The following MOB3A variants were observed in gnomAD, a reference collection of about 807,000 sequenced individuals.
The protein encoded by MOB3A is MOB kinase activator 3A.
In MOB3A, 17 loss-of-function variants were observed where a neutral mutation model predicts 17.8. That is an observed-to-expected ratio of 0.95 (90% CI 0.65 to 1.43). The LOEUF (loss-of-function observed/expected upper bound fraction) is 1.43, where lower values mean the gene tolerates loss of function less well. MOB3A is among the 40% of genes most tolerant of loss of function. The probability of loss-of-function intolerance (pLI) is 0.00; values close to 1 mark genes in which losing one functional copy is unlikely to be tolerated. For missense variants in MOB3A, 333 were observed against 310.8 expected (o/e 1.07, Z -0.54); for synonymous variants, 124 against 133.2 (o/e 0.93, Z 0.48).
Position 2,071,695 on chromosome 19 carries a change from A to G in MOB3A, c.*1700T>C, listed in dbSNP as rs2017339173. The G allele has an allele frequency of 6.6e-6, 1 of 152,276 alleles. No homozygotes were observed. The highest frequency in any genetic ancestry group is 6.6e-5 in the Admixed American group (1 of 15,264). 9.4% of individuals were successfully genotyped at this position (152,276 alleles called of 1,614,324 possible). A position where few individuals can be genotyped will look rare whatever the true frequency, so the allele number is the denominator to read the frequency against. On this transcript the variant is annotated 3_prime_UTR_variant, in exon 5 of 5. Coordinates refer to ENST00000357066, the MANE Select transcript of MOB3A (RefSeq NM_130807.3). ...CAGAACTCATGGATTTTGGTCTCGC[A>G]GCCCCAGGGGCCACACAGAAAAAGG...
Position 2,078,280 on chromosome 19 carries a change from C to T in MOB3A, c.281G>A (p.Gly94Asp), listed in dbSNP as rs200521330. The T allele has an allele frequency of 4.7e-5, 76 of 1,613,944 alleles. No individual in the cohort carries two copies. Among genetic ancestry groups the T allele is most frequent in the Non-Finnish European group, 5.9e-5 (70 of 1,179,974 alleles). ...CTGCCAGCGGTACTCATACTTGGGGCCCCCCGACATGACGGGGCAGGACTG... is the reference window on the plus strand; with the variant it reads ...CTGCCAGCGGTACTCATACTTGGGGTCCCCCGACATGACGGGGCAGGACTG... ...TEQSCPVMSG[G>D]PKYEYRWQDE... is the part of the protein sequence containing the mutation. Residue 94 changes from glycine (G) to aspartate (D), a missense_variant, in exon 3 of 5, where the codon GGC becomes GAC. By Grantham distance (94) the Gly-to-Asp change is moderately conservative. Coordinates refer to ENST00000357066, the MANE Select transcript of MOB3A (RefSeq NM_130807.3).
At chr19:2,085,841 G>A (rs1261338958) in intron 1 of MOB3A, among the ~76,000 whole-genome samples, 2 of 150,856 alleles carry the variant, frequency 1.3e-5, no homozygotes. Context: ...GTGGGCACCT[G>A]TAGTCCCAGC....
rs879435121 is a variant in MOB3A at position 2,074,557 on chromosome 19, C to CT, written c.625-1134dup. On this transcript the variant is annotated intron_variant, in intron 4 of 4. Coordinates refer to ENST00000357066, the MANE Select transcript of MOB3A (RefSeq NM_130807.3). ...GAAGTTATGTGAAGATGTTTTTAGT[C>CT]TTTTTTTTTTTTTGAGACGGAGTTT... 3.1e-3 allele frequency among the ~76,000 whole-genome samples: 452 copies of CT among 144,478 alleles called. 3 individuals are homozygous for CT. The highest frequency in any genetic ancestry group is 9.5e-3 in the East Asian group (47 of 4,970). 94.8% of individuals were successfully genotyped at this position (144,478 alleles called of 152,430 possible).
chr19:2,077,046 C>T (rs760573173), intron 3 of MOB3A, 33 bp from the exon 4 acceptor site: 1 of 1,583,474 alleles, frequency 6.3e-7, no homozygotes, highest in Non-Finnish European at 8.6e-7. Context: ...GGTCCACGGA[C>T]TCAGCCAAGT....
At chr19:2,080,030 T>G (rs1296390304) in intron 2 of MOB3A, among the ~76,000 whole-genome samples, 2 of 152,026 alleles carry the variant, frequency 1.3e-5, no homozygotes, top group East Asian at 3.9e-4. Context: ...ACACCGCGCG[T>G]GTGCCGGGCT....
intron 1 of MOB3A, among the ~76,000 whole-genome samples, chr19:2,090,444 T>C (rs1367973807): frequency 1.3e-5 from 2 of 152,214 alleles, no homozygotes; most frequent in African/African-American, 4.8e-5. Flanking sequence ...TGGGGACATC[T>C]GTGGTTGTCA....
chr19:2,082,249 C>T lies in MOB3A; in HGVS notation c.-120+2926G>A, dbSNP rs1304632449. ...GGCCCAGAAAACCAGGCCTCTAACC[C>T]CTGGCTCTGTGGACATCGGGGTTGG... On this transcript the variant is annotated intron_variant, in intron 2 of 4. Transcript: ENST00000357066. This position sits in a 1 kb window ranked among gnomAD's most constrained non-coding sequence, Gnocchi z 4.1. 1.3e-5 allele frequency among the ~76,000 whole-genome samples: 2 copies of T among 152,234 alleles called. No homozygotes were observed. The highest frequency in any genetic ancestry group is 2.9e-5 in the Non-Finnish European group (2 of 68,024).
rs34483500 is a variant in MOB3A, at chr19:2,078,291, G to A, written c.270C>T (p.Val90=). The A allele has an allele frequency of 8.2e-4, 1,330 of 1,614,172 alleles. 13 individuals are homozygous for A. In the African/African-American group the frequency reaches 0.015, roughly 19 times the overall value. ...SDGCTEQSCP[V]MSGGPKYEYR... ...ACTCATACTTGGGGCCCCCCGACATGACGGGGCAGGACTGCTCCGTGCAGC... is the reference window on the plus strand; with the variant it reads ...ACTCATACTTGGGGCCCCCCGACATAACGGGGCAGGACTGCTCCGTGCAGC... Residue 90 remains valine (V), a synonymous_variant, in exon 3 of 5, where the codon GTC becomes GTT. Coordinates refer to ENST00000357066, the MANE Select transcript of MOB3A (RefSeq NM_130807.3).
intron 1 of MOB3A, among the ~76,000 whole-genome samples, chr19:2,092,735 G>T (rs2017627381): frequency 8.3e-6 from 1 of 119,858 alleles, no homozygotes; most frequent in South Asian, 2.7e-4. Flanking sequence ...TCCAGCCTGG[G>T]CAAGAGAAAC....
intron 4 of MOB3A, among the ~76,000 whole-genome samples, chr19:2,074,410 G>A (rs576392388): frequency 1.3e-5 from 2 of 151,876 alleles, no homozygotes; most frequent in African/African-American, 4.8e-5. Flanking sequence ...AAAAGAAAAA[G>A]AAAGAAAAAA....
At position 2,078,639 on chromosome 19, in the gene MOB3A, G is replaced by A; in HGVS notation, c.-79C>T. The A allele has an allele frequency of 7.1e-7, 1 of 1,399,560 alleles. No homozygotes were observed. The highest frequency in any genetic ancestry group is 9.6e-7 in the Non-Finnish European group (1 of 1,037,928). The allele number at this position is 1,399,560 out of a possible 1,614,324, so 86.7% of individuals were successfully genotyped here. Reference sequence around the variant, plus strand: ...CTGGGGGTGCTGACCAACCCGAGAGGCCACGAAACACTCACCAAGCCCCAC... The same window carrying A: ...CTGGGGGTGCTGACCAACCCGAGAGACCACGAAACACTCACCAAGCCCCAC... On this transcript the variant is annotated 5_prime_UTR_variant, in exon 3 of 5. Transcript: ENST00000357066.
In MOB3A at chr19:2,078,226, G is replaced by A. The variant is rs762865411; in HGVS notation, c.335C>T (p.Ala112Val). The A allele has an allele frequency of 2.5e-5, 41 of 1,613,714 alleles. No individual in the cohort carries two copies. Among genetic ancestry groups the A allele is most frequent in the Non-Finnish European group, 3.2e-5 (38 of 1,179,834 alleles). Reference sequence around the variant, plus strand: ...GTCCATGTACCTGGGCGCGGAGAGTGCCGTGGGCTTCCGGAACTTATGCTC... The same window carrying A: ...GTCCATGTACCTGGGCGCGGAGAGTACCGTGGGCTTCCGGAACTTATGCTC... ...QDEHKFRKPT[A>V]LSAPRYMDLL... The change falls in exon 3 of 5, where the codon GCA (alanine) becomes GTA (valine). Residue 112 changes from alanine (A) to valine (V), a missense_variant. Physicochemically the swap from Ala to Val is moderately conservative, Grantham distance 64. Transcript: ENST00000357066.
intron 2 of MOB3A, among the ~76,000 whole-genome samples, chr19:2,081,611 C>T (rs1325286288): frequency 6.6e-6 from 1 of 151,384 alleles, no homozygotes; most frequent in South Asian, 2.1e-4. Context: ...ACAGGCCTGG[C>T]GCGGTGGCCC....
chr19:2,073,647 G>A (rs554526490), intron 4 of MOB3A, among the ~76,000 whole-genome samples: 2 of 152,198 alleles, frequency 1.3e-5, no homozygotes, highest in Admixed American at 1.3e-4. Context: ...TGGGCCAGAC[G>A]GTCCCTGTCA....
Position 2,078,613 on chromosome 19 carries a change from G to A in MOB3A, c.-53C>T. 2 of 1,509,478 alleles carry A rather than the reference G, an allele frequency of 1.3e-6. No homozygotes were observed. The highest frequency in any genetic ancestry group is 2.3e-5 in the East Asian group (1 of 43,804). 93.5% of individuals were successfully genotyped at this position (1,509,478 alleles called of 1,614,324 possible). A position where few individuals can be genotyped will look rare whatever the true frequency, so the allele number is the denominator to read the frequency against. On this transcript the variant is annotated 5_prime_UTR_variant, in exon 3 of 5. Transcript: ENST00000357066. Reference sequence around the variant, plus strand: ...CTGTAGAGGGGTCCTGGGCCAGCTGGCTGGGGGTGCTGACCAACCCGAGAG... The same window carrying A: ...CTGTAGAGGGGTCCTGGGCCAGCTGACTGGGGGTGCTGACCAACCCGAGAG...
chr19:2,080,077 G>A (rs560972992), intron 2 of MOB3A, among the ~76,000 whole-genome samples: 11 of 152,306 alleles, frequency 7.2e-5, no homozygotes, highest in Admixed American at 1.3e-4. Context: ...CGCCAACACC[G>A]TTATTGTCAC....
chr19:2,089,219 T>C (rs1028092180), intron 1 of MOB3A, among the ~76,000 whole-genome samples: 2 of 152,146 alleles, frequency 1.3e-5, no homozygotes, highest in African/African-American at 4.8e-5. Flanking sequence ...ACTCATCATT[T>C]CCTGGCTGGC....
chr19:2,086,144 G>A (rs1283743214), intron 1 of MOB3A, among the ~76,000 whole-genome samples: 2 of 150,696 alleles, frequency 1.3e-5, no homozygotes, highest in Admixed American at 6.6e-5. Flanking sequence ...AGGTTCAAGC[G>A]ATTCTCCTGC....
In MOB3A at chr19:2,082,710, T is replaced by C. The variant is rs754819439; in HGVS notation, c.-120+2465A>G. ...TCCACCACGGGGCCCCTCCACTGCCTAGCAGAGCCACGTGGATGCTCCAAG... is the reference window on the plus strand; with the variant it reads ...TCCACCACGGGGCCCCTCCACTGCCCAGCAGAGCCACGTGGATGCTCCAAG... On this transcript the variant is annotated intron_variant, in intron 2 of 4. Transcript: ENST00000357066. This position sits in a 1 kb window ranked among gnomAD's most constrained non-coding sequence, Gnocchi z 4.1. Among the ~76,000 whole-genome samples the C allele has an allele frequency of 2.0e-4, 31 of 152,180 alleles. No homozygotes were observed. The highest frequency in any genetic ancestry group is 3.8e-4 in the Non-Finnish European group (26 of 68,024).
Sources: gnomAD v4.1 joint callset for allele counts (sites outside exome capture counted in the v4.1 genomes callset) on GRCh38, gnomAD v4.1.1 for gene constraint, Gnocchi (gnomAD v3.1) non-coding constraint, MANE v1.5 for transcripts, NCBI Gene and HGNC (gene_info 2026-07-23, HGNC 2026-07-21) for gene names.